ADCYAP1R1: variants seen among roughly 807,000 people sequenced by gnomAD.
ADCYAP1R1 encodes the protein pituitary adenylate cyclase-activating polypeptide type I receptor.
In ADCYAP1R1, 44 loss-of-function variants were observed where a neutral mutation model predicts 67.6. The ratio of observed to expected loss-of-function variants is 0.65; its 90% CI spans 0.51 to 0.84. The LOEUF is 0.84. ADCYAP1R1 is among the 40% of genes least tolerant of loss of function. The probability of loss-of-function intolerance (pLI) is 0.00; values close to 1 mark genes in which losing one functional copy is unlikely to be tolerated. For synonymous variants in ADCYAP1R1, 222 were observed against 219.6 expected, an observed-to-expected ratio of 1.01 and a Z score of -0.10; for missense variants, 477 against 587.9, an observed-to-expected ratio of 0.81 and a Z score of 1.95.
In ADCYAP1R1 at chr7:31,108,547, ACT is replaced by A. The variant is rs1236568914; in HGVS notation, c.*1866_*1867del. On this transcript the variant is annotated 3_prime_UTR_variant, in exon 16 of 16. Transcript: ENST00000304166. ...CATGGCCTAGGGTTCAGGGAACTAG[ACT>A]CTATCCCAGTTGGGTTCAGACTGCT... 2.0e-5 allele frequency: 3 copies of A among 151,910 alleles called. No homozygotes were observed. 9.4% of individuals were successfully genotyped at this position (151,910 alleles called of 1,614,324 possible).
intron 12 of ADCYAP1R1, among the ~76,000 whole-genome samples, chr7:31,088,565 A>G (rs1001282515): frequency 1.3e-5 from 2 of 152,186 alleles, no homozygotes; most frequent in Non-Finnish European, 2.9e-5. Context: ...GTCTGAAATG[A>G]TATTCAATTT....
intron 6 of ADCYAP1R1, among the ~76,000 whole-genome samples, chr7:31,082,942 G>A (rs74685680): frequency 0.019 from 2,861 of 152,356 alleles, 83 homozygotes; most frequent in African/African-American, 0.054. Context: ...ACACAGATTG[G>A]AAAAGTGGAA....
rs1472846045 is a variant in ADCYAP1R1 at position 31,086,634 on chromosome 7, A to AG, written c.823+101dup. 2.0e-5 allele frequency: 29 copies of AG among 1,442,482 alleles called. No individual in the cohort carries two copies. The highest frequency in any genetic ancestry group is 2.8e-5 in the Non-Finnish European group (29 of 1,046,088). 89.4% of individuals were successfully genotyped at this position (1,442,482 alleles called of 1,614,324 possible). ...CATCTTCAGGAAGTGTCAGGTGAGG[A>AG]GGGGCCACTGCCCTGCCCGAGTCTA... On this transcript the variant is annotated intron_variant, in intron 10 of 15. Transcript: ENST00000304166. The surrounding 1 kb of genome is among the most constrained non-coding windows in gnomAD (Gnocchi z 5.0).
chr7:31,105,667 T>C (rs534797560), intron 15 of ADCYAP1R1, among the ~76,000 whole-genome samples: 92 of 152,304 alleles, frequency 6.0e-4, no homozygotes, highest in Non-Finnish European at 1.1e-3. Context: ...GCAACAGAGA[T>C]TGGGCTCTGT....
intron 12 of ADCYAP1R1, among the ~76,000 whole-genome samples, chr7:31,090,887 C>T (rs1015209564): frequency 1.3e-5 from 2 of 152,138 alleles, no homozygotes; most frequent in East Asian, 1.9e-4. Context: ...CATACCAATG[C>T]GTGTGTCTTT....
chr7:31,075,348 G>A (rs1795165287), intron 3 of ADCYAP1R1, among the ~76,000 whole-genome samples: 1 of 152,258 alleles, frequency 6.6e-6, no homozygotes, highest in Non-Finnish European at 1.5e-5. Flanking sequence ...GGCACTGTCG[G>A]TCACCTACTG....
chr7:31,056,465 C>A (rs1027983341), intron 1 of ADCYAP1R1, among the ~76,000 whole-genome samples: 1 of 152,124 alleles, frequency 6.6e-6, no homozygotes, highest in Non-Finnish European at 1.5e-5. Flanking sequence ...TGTAGTGAAC[C>A]AGGTCCTGCC....
intron 4 of ADCYAP1R1, among the ~76,000 whole-genome samples, chr7:31,078,342 T>C (rs1353808993): frequency 1.3e-5 from 2 of 152,118 alleles, no homozygotes; most frequent in African/African-American, 2.4e-5. Context: ...ATGCCAGCTG[T>C]CACTCACCCT....
At chr7:31,097,571 A>G (rs1202439951) in intron 13 of ADCYAP1R1, among the ~76,000 whole-genome samples, 1 of 152,068 alleles carries the variant, frequency 6.6e-6, no homozygotes, top group East Asian at 1.9e-4. Flanking sequence ...CCTGACCCCC[A>G]TCAGAGCCAC....
rs998790682 is a variant in ADCYAP1R1, at chr7:31,109,678, C to A, written c.*2994C>A. 5 of 152,238 alleles carry A rather than the reference C, an allele frequency of 3.3e-5. No individual in the cohort carries two copies. The highest frequency in any genetic ancestry group is 4.8e-5 in the African/African-American group (2 of 41,406). The allele number at this position is 152,238 out of a possible 1,614,324, so 9.4% of individuals were successfully genotyped here. A position where few individuals can be genotyped will look rare whatever the true frequency, so the allele number is the denominator to read the frequency against. On this transcript the variant is annotated 3_prime_UTR_variant, in exon 16 of 16. Transcript: ENST00000304166. ...TTGGGATGAAGAAATTTCTCTTTCC[C>A]TGTCATGAGTGTCCAGCCAGGGAGC... is the stretch of plus-strand genomic sequence containing the variant.
At chr7:31,063,127 G>A in intron 1 of ADCYAP1R1, 67 bp from the exon 2 acceptor site, 1 of 913,476 alleles carries the variant, frequency 1.1e-6, no homozygotes, top group Non-Finnish European at 1.7e-6. Context: ...GAATAAGGAA[G>A]GGAGGTGGTC....
At chr7:31,057,829 C>T (rs1390931210) in intron 1 of ADCYAP1R1, among the ~76,000 whole-genome samples, 2 of 152,244 alleles carry the variant, frequency 1.3e-5, no homozygotes, top group East Asian at 3.9e-4. Context: ...AAATGGAGCA[C>T]GGGGAGAGCA....
chr7:31,074,003 C>G (rs1345640510), intron 3 of ADCYAP1R1, among the ~76,000 whole-genome samples: 1 of 152,166 alleles, frequency 6.6e-6, no homozygotes, highest in Non-Finnish European at 1.5e-5. Context: ...CAGGCCCCGG[C>G]CTGGGGTGGG....
intron 3 of ADCYAP1R1, among the ~76,000 whole-genome samples, chr7:31,073,359 GA>G (rs1296674098): frequency 2.6e-5 from 4 of 152,056 alleles, no homozygotes; most frequent in African/African-American, 9.7e-5. Flanking sequence ...AAAGTGGGAA[GA>G]AAAAAAGATA....
At chr7:31,063,403 T>C (rs1794593652) in intron 2 of ADCYAP1R1, 88 bp downstream of exon 2, 1 of 1,461,864 alleles carries the variant, frequency 6.8e-7, no homozygotes. Flanking sequence ...TACCCTCAGC[T>C]CAGCTCTTCA....
chr7:31,085,477 C>A, intron 9 of ADCYAP1R1, 35 bp downstream of exon 9: 1 of 1,600,540 alleles, frequency 6.2e-7, no homozygotes, highest in Non-Finnish European at 8.5e-7. Flanking sequence ...AGGGCTCTGC[C>A]GGGAAGGTCC....
intron 13 of ADCYAP1R1, 113 bp from the exon 14 acceptor site, chr7:31,103,124 G>C (rs1010607844): frequency 6.9e-7 from 1 of 1,442,004 alleles, no homozygotes; most frequent in Non-Finnish European, 9.4e-7. Flanking sequence ...CTGTGGACAC[G>C]GGCCCCAGCT....
In ADCYAP1R1 at chr7:31,086,454, A is replaced by C. The variant is rs1384175160; in HGVS notation, c.740A>C (p.Glu247Ala). 6.2e-7 allele frequency: 1 copy of C among 1,614,182 alleles called. No homozygotes were observed. The highest frequency in any genetic ancestry group is 8.5e-7 in the Non-Finnish European group (1 of 1,180,028). ...TCCAACTACTTCTGGCTGTTCATCG[A>C]GGGCCTGTACCTCTTCACTCTGCTG... ...VVSNYFWLFI[E>A]GLYLFTLLVE... is the part of the protein sequence containing the mutation. Residue 247 changes from glutamate (E) to alanine (A), a missense_variant, in exon 10 of 16, where the codon GAG becomes GCG. Coordinates refer to ENST00000304166, the MANE Select transcript of ADCYAP1R1 (RefSeq NM_001118.5). The surrounding 1 kb of genome is among the most constrained non-coding windows in gnomAD (Gnocchi z 5.0).
chr7:31,060,292 G>T (rs185922668), intron 1 of ADCYAP1R1, among the ~76,000 whole-genome samples: 4 of 152,340 alleles, frequency 2.6e-5, no homozygotes, highest in African/African-American at 9.6e-5. Context: ...CTGAATCCAA[G>T]TATATCTTAT....
Sources: gnomAD v4.1 joint callset for allele counts (sites outside exome capture counted in the v4.1 genomes callset) on GRCh38, gnomAD v4.1.1 for gene constraint, Gnocchi (gnomAD v3.1) non-coding constraint, MANE v1.5 for transcripts, NCBI Gene and HGNC (gene_info 2026-07-23, HGNC 2026-07-21) for gene names.